Variants in UBASH3B observed in about 807,000 individuals in gnomAD.
UBASH3B encodes the protein ubiquitin associated and SH3 domain containing B.
UBASH3B carries 37 observed loss-of-function variants against 83.4 expected under a neutral mutation model. The ratio of observed to expected loss-of-function variants is 0.44; its 90% CI spans 0.34 to 0.58. UBASH3B has a LOEUF of 0.58. UBASH3B is among the 20% of genes least tolerant of loss of function. The probability of loss-of-function intolerance (pLI) is 0.01; values close to 1 mark genes in which losing one functional copy is unlikely to be tolerated. For missense variants in UBASH3B, 657 were observed against 827.2 expected (o/e 0.79, Z 2.52); for synonymous variants, 304 against 318.3 (o/e 0.96, Z 0.48).
At chr11:122,787,078 A>C (rs1276561427) in intron 5 of UBASH3B, among the ~76,000 whole-genome samples, 1 of 152,012 alleles carries the variant, frequency 6.6e-6, no homozygotes, top group Non-Finnish European at 1.5e-5. Flanking sequence ...TACTGGGCCA[A>C]AGGCATTATT....
intron 1 of UBASH3B, among the ~76,000 whole-genome samples, chr11:122,682,775 C>A (rs1863758578): frequency 6.6e-6 from 1 of 152,086 alleles, no homozygotes; most frequent in South Asian, 2.1e-4. Context: ...AATTCACCAG[C>A]CATCCTACAG....
intron 3 of UBASH3B, among the ~76,000 whole-genome samples, chr11:122,777,638 A>G (rs777029657): frequency 4.6e-5 from 7 of 151,998 alleles, no homozygotes; most frequent in Non-Finnish European, 7.4e-5. Flanking sequence ...TTTTCCCGCT[A>G]TATATTTCTA....
chr11:122,685,069 G>A (rs1259763015), intron 1 of UBASH3B, among the ~76,000 whole-genome samples: 1 of 152,186 alleles, frequency 6.6e-6, no homozygotes, highest in Admixed American at 6.5e-5. Context: ...CCCCCGGCAA[G>A]AGGAAAATAC....
rs569369447 is a variant in UBASH3B at position 122,715,838 on chromosome 11, T to A, written c.161+59628T>A. Among the ~76,000 whole-genome samples the A allele has an allele frequency of 6.6e-5, 10 of 152,384 alleles. No individual in the cohort carries two copies. The East Asian group carries it at 1.5e-3, about 23-fold the overall frequency. The stretch of plus-strand genomic sequence containing the variant: ...GTCTCCAGCCTCCACCGTGGTCCCC[T>A]GGCTTTGCCACTATTTGCTGACAGA... On this transcript the variant is annotated intron_variant, in intron 1 of 13. Coordinates refer to ENST00000284273, the MANE Select transcript of UBASH3B (RefSeq NM_032873.5).
Position 122,809,798 on chromosome 11 carries a change from T to C in UBASH3B, c.1862T>C (p.Ile621Thr). ...CSCEELGETG[I>T]WQLTDPPILP... is the part of the protein sequence containing the mutation. Reference sequence around the variant, plus strand: ...TGTGAAGAATTAGGAGAAACTGGAATATGGCAGCTGACAGATCCACCAATC... The same window carrying C: ...TGTGAAGAATTAGGAGAAACTGGAACATGGCAGCTGACAGATCCACCAATC... The change falls in exon 14 of 14, where the codon ATA becomes ACA. Residue 621 changes from isoleucine to threonine, a missense_variant. Ile to Thr is a moderately conservative substitution (Grantham distance 89). Coordinates refer to ENST00000284273, the MANE Select transcript of UBASH3B (RefSeq NM_032873.5). 6.2e-7 allele frequency: 1 copy of C among 1,614,192 alleles called. No individual in the cohort carries two copies. The highest frequency in any genetic ancestry group is 8.5e-7 in the Non-Finnish European group (1 of 1,180,022).
At chr11:122,706,682 T>C (rs1306236313) in intron 1 of UBASH3B, among the ~76,000 whole-genome samples, 1 of 152,154 alleles carries the variant, frequency 6.6e-6, no homozygotes, top group Non-Finnish European at 1.5e-5. Context: ...AGAGGAACTA[T>C]GTAGATGGAT....
rs1216740999 is a variant in UBASH3B, at chr11:122,811,236, T to G, written c.*1350T>G. On this transcript the variant is annotated 3_prime_UTR_variant, in exon 14 of 14. Coordinates refer to ENST00000284273, the MANE Select transcript of UBASH3B (RefSeq NM_032873.5). ...TTGATGGCCACAGATGATGGTCTCCTATGGTATAGTTCACTCTGTAGAAGA... is the reference window on the plus strand; with the variant it reads ...TTGATGGCCACAGATGATGGTCTCCGATGGTATAGTTCACTCTGTAGAAGA... 6 of 152,640 alleles carry G rather than the reference T, an allele frequency of 3.9e-5. No homozygotes were observed. Among genetic ancestry groups the G allele is most frequent in the Non-Finnish European group, 5.9e-5 (4 of 68,034 alleles). 9.5% of individuals were successfully genotyped at this position (152,640 alleles called of 1,614,324 possible). A position where few individuals can be genotyped will look rare whatever the true frequency, so the allele number is the denominator to read the frequency against.
At chr11:122,797,331 G>A (rs779877079) in intron 9 of UBASH3B, 3 of 239,506 alleles carry the variant, frequency 1.3e-5, no homozygotes, top group Non-Finnish European at 1.6e-5. Flanking sequence ...GTTCAAGACA[G>A]CAGCATCTGC....
At chr11:122,729,330 A>G (rs1860799335) in intron 1 of UBASH3B, among the ~76,000 whole-genome samples, 1 of 152,064 alleles carries the variant, frequency 6.6e-6, no homozygotes, top group Non-Finnish European at 1.5e-5. Context: ...GTTCTTGTTG[A>G]GGGGAAGGGG....
intron 1 of UBASH3B, among the ~76,000 whole-genome samples, chr11:122,714,785 G>A (rs76011308): frequency 0.035 from 5,287 of 152,252 alleles, 132 homozygotes; most frequent in African/African-American, 0.073. Flanking sequence ...AAGAACAGAG[G>A]TGTCTGGCAA....
rs534758704 is a variant in UBASH3B at position 122,714,743 on chromosome 11, T to C, written c.161+58533T>C. ...TCGCACAGAGTGAAGCAATGTCAGC[T>C]GATGATGGGAAGGCAGGGTAGGATG... On this transcript the variant is annotated intron_variant, in intron 1 of 13. Transcript: ENST00000284273. Among the ~76,000 whole-genome samples the C allele has an allele frequency of 8.5e-5, 13 of 152,294 alleles. 1 individual carries two copies. The South Asian group carries it at 2.3e-3, about 27-fold the overall frequency.
In UBASH3B at chr11:122,786,726, AAT is replaced by A. The variant is rs539104699; in HGVS notation, c.772-2373_772-2372del. 2.0e-3 allele frequency among the ~76,000 whole-genome samples: 299 copies of A among 152,316 alleles called. 2 individuals carry two copies. Among genetic ancestry groups the A allele is most frequent in the African/African-American group, 6.8e-3 (284 of 41,560 alleles). ...AAAAGAATAAGTAGAATGTAATATA[AAT>A]TAGGCATGTGTTCTCACATCTTTCA... On this transcript the variant is annotated intron_variant, in intron 5 of 13. Transcript: ENST00000284273.
At chr11:122,689,324 C>T (rs1863854116) in intron 1 of UBASH3B, among the ~76,000 whole-genome samples, 2 of 152,038 alleles carry the variant, frequency 1.3e-5, no homozygotes, top group Non-Finnish European at 2.9e-5. Context: ...AATGATTTCT[C>T]CTGCATTTCT....
chr11:122,784,662 A>G (rs1382943453), intron 5 of UBASH3B, among the ~76,000 whole-genome samples: 1 of 152,226 alleles, frequency 6.6e-6, no homozygotes, highest in African/African-American at 2.4e-5. Context: ...TCTTTAAAAA[A>G]CAAAACATGA....
chr11:122,735,228 G>C (rs1159417594), intron 1 of UBASH3B, among the ~76,000 whole-genome samples: 1 of 152,110 alleles, frequency 6.6e-6, no homozygotes, highest in East Asian at 1.9e-4. Flanking sequence ...ATTTGCCCTT[G>C]GAATGTACTT....
chr11:122,805,729 TGG>T (rs1861329708), intron 11 of UBASH3B, among the ~76,000 whole-genome samples: 2 of 152,094 alleles, frequency 1.3e-5, no homozygotes, highest in South Asian at 2.1e-4. Flanking sequence ...GAGATTTGGG[TGG>T]GGGGCACAGC....
At chr11:122,799,317 G>A (rs971162837) in intron 10 of UBASH3B, among the ~76,000 whole-genome samples, 15 of 152,128 alleles carry the variant, frequency 9.9e-5, no homozygotes, top group African/African-American at 2.9e-4. Flanking sequence ...GAGAAACCCC[G>A]TCTCTAGTAA....
At chr11:122,760,784 T>A (rs140383283) in intron 1 of UBASH3B, among the ~76,000 whole-genome samples, 337 of 152,334 alleles carry the variant, frequency 2.2e-3, no homozygotes, top group Non-Finnish European at 4.0e-3. Flanking sequence ...AGTCTAAACA[T>A]GTTTTTGGAG....
chr11:122,773,933 C>T (rs1860690379), intron 1 of UBASH3B: 2 of 973,498 alleles, frequency 2.1e-6, no homozygotes, highest in African/African-American at 3.5e-5. Flanking sequence ...GCCACAAATG[C>T]GTTTTCCTTT....
Sources: allele counts gnomAD v4.1 joint callset (sites outside exome capture counted in the v4.1 genomes callset), GRCh38; gene constraint gnomAD v4.1.1; transcripts MANE v1.5; gene names NCBI Gene and HGNC (gene_info 2026-07-23, HGNC 2026-07-21).